Variants in ARHGAP26 observed in about 807,000 individuals in gnomAD.
The protein encoded by ARHGAP26 is rho GTPase-activating protein 26.
ARHGAP26 carries 38 observed loss-of-function variants against 104.8 expected under a neutral mutation model. The ratio of observed to expected loss-of-function variants is 0.36; its 90% CI spans 0.28 to 0.48. ARHGAP26 has a LOEUF of 0.48. Ranked by LOEUF, ARHGAP26 falls within the 20% of genes least tolerant of loss-of-function variation. The pLI is 0.99. For missense variants in ARHGAP26, 704 were observed against 947.9 expected (o/e 0.74, Z 3.38); for synonymous variants, 341 against 340.0 (o/e 1.00, Z -0.03).
intron 4 of ARHGAP26, among the ~76,000 whole-genome samples, chr5:142,882,188 A>C (rs921574042): frequency 6.6e-6 from 1 of 152,206 alleles, no homozygotes; most frequent in African/African-American, 2.4e-5. Flanking sequence ...ATTTGCATGT[A>C]GACTTGGGGA....
At position 142,963,192 on chromosome 5, in the gene ARHGAP26, A is replaced by G. The variant is rs543540395; in HGVS notation, c.1107+31067A>G. ...TATATGTATATATATATATATATATATATATATGTGTGTGTGTGTGTGTGT... is the reference window on the plus strand; with the variant it reads ...TATATGTATATATATATATATATATGTATATATGTGTGTGTGTGTGTGTGT... On this transcript the variant is annotated intron_variant, in intron 11 of 22. Transcript: ENST00000645722. Among the ~76,000 whole-genome samples the G allele has an allele frequency of 9.3e-3, 974 of 104,348 alleles. 38 individuals are homozygous for G. The highest frequency in any genetic ancestry group is 0.053 in the African/African-American group (816 of 15,426). The allele number at this position is 104,348 out of a possible 152,430, so 68.5% of individuals were successfully genotyped here. A position where few individuals can be genotyped will look rare whatever the true frequency, so the allele number is the denominator to read the frequency against.
intron 12 of ARHGAP26, among the ~76,000 whole-genome samples, chr5:143,035,093 G>T (rs1383904156): frequency 1.3e-5 from 2 of 152,166 alleles, no homozygotes; most frequent in East Asian, 3.8e-4. Flanking sequence ...TATCCTAGAG[G>T]CTGAGTGTGT....
chr5:142,926,785 C>G (rs1294800071), intron 10 of ARHGAP26, among the ~76,000 whole-genome samples: 3 of 152,154 alleles, frequency 2.0e-5, no homozygotes, highest in African/African-American at 7.2e-5. Context: ...AAACTATACA[C>G]ACCTGCCCTT....
chr5:142,807,127 T>C (rs1763132454), intron 1 of ARHGAP26, among the ~76,000 whole-genome samples: 1 of 152,216 alleles, frequency 6.6e-6, no homozygotes, highest in Admixed American at 6.5e-5. Context: ...TTAATCACAG[T>C]GAAATTAAGG....
chr5:143,098,215 A>G, intron 17 of ARHGAP26, among the ~76,000 whole-genome samples: 1 of 152,208 alleles, frequency 6.6e-6, no homozygotes, highest in East Asian at 1.9e-4. Context: ...TTCTAATGTT[A>G]GGGTTCAGAC....
chr5:143,147,035 A>C (rs909813533), intron 19 of ARHGAP26, among the ~76,000 whole-genome samples, 196 bp from the exon 20 acceptor site: 1 of 152,086 alleles, frequency 6.6e-6, no homozygotes, highest in Non-Finnish European at 1.5e-5. Flanking sequence ...TTTGCTTTAA[A>C]ATTTCGAGTC....
intron 20 of ARHGAP26, among the ~76,000 whole-genome samples, chr5:143,204,574 GGAGT>G (rs908644436): frequency 8.5e-5 from 13 of 152,266 alleles, no homozygotes; most frequent in African/African-American, 3.1e-4. Flanking sequence ...TGGGGATTGA[GGAGT>G]AAGTTATTAT....
intron 1 of ARHGAP26, among the ~76,000 whole-genome samples, chr5:142,783,622 T>A (rs1757959159): frequency 6.6e-6 from 1 of 152,202 alleles, no homozygotes; most frequent in Non-Finnish European, 1.5e-5. Flanking sequence ...CAGAGAGAGC[T>A]GATCTCCCCC....
chr5:143,115,380 A>G (rs150127199), intron 17 of ARHGAP26, among the ~76,000 whole-genome samples: 155 of 151,898 alleles, frequency 1.0e-3, no homozygotes, highest in African/African-American at 3.6e-3. Context: ...AAGACGTACT[A>G]TTATGATTTG....
intron 11 of ARHGAP26, among the ~76,000 whole-genome samples, chr5:142,943,506 C>G (rs1766674639): frequency 6.6e-6 from 1 of 152,090 alleles, no homozygotes; most frequent in African/African-American, 2.4e-5. Flanking sequence ...ATGAGGGCAC[C>G]CATCCCATTC....
chr5:143,035,935 CA>C (rs10713064), intron 12 of ARHGAP26, among the ~76,000 whole-genome samples: 28,148 of 78,548 alleles, frequency 0.36, 2,795 homozygotes, highest in South Asian at 0.56. Flanking sequence ...GACCTTGTCT[CA>C]AAAAAAAAAA....
At chr5:143,133,740 A>G (rs1274964470) in intron 18 of ARHGAP26, among the ~76,000 whole-genome samples, 1 of 152,222 alleles carries the variant, frequency 6.6e-6, no homozygotes, top group African/African-American at 2.4e-5. Context: ...GAGGTTAGAA[A>G]TGGAAGTGGG....
At chr5:142,845,283 A>T (rs1286233682) in intron 1 of ARHGAP26, among the ~76,000 whole-genome samples, 1 of 152,196 alleles carries the variant, frequency 6.6e-6, no homozygotes, top group South Asian at 2.1e-4. Context: ...GGTGGTTTGC[A>T]TTCATTATTT....
At chr5:142,775,396 A>C (rs867968532) in intron 1 of ARHGAP26, among the ~76,000 whole-genome samples, 29 of 152,146 alleles carry the variant, frequency 1.9e-4, no homozygotes, top group Non-Finnish European at 8.8e-5. Context: ...TGCCATCTGC[A>C]TATCTTCTTT....
intron 1 of ARHGAP26, among the ~76,000 whole-genome samples, chr5:142,843,523 C>T (rs1432870039): frequency 6.6e-6 from 1 of 152,230 alleles, no homozygotes; most frequent in Non-Finnish European, 1.5e-5. Flanking sequence ...GTGCTTTGCA[C>T]ATTTTGCCTC....
chr5:143,092,447 A>G (rs60996619), intron 17 of ARHGAP26, among the ~76,000 whole-genome samples: 1,823 of 152,298 alleles, frequency 0.012, 39 homozygotes, highest in African/African-American at 0.041. Context: ...TACAGGCGTG[A>G]GCCACTGCAC....
At chr5:142,964,188 AAC>A (rs1234980307) in intron 11 of ARHGAP26, among the ~76,000 whole-genome samples, 1 of 152,134 alleles carries the variant, frequency 6.6e-6, no homozygotes, top group Non-Finnish European at 1.5e-5. Context: ...TGAAGGATAT[AAC>A]AGTTATGTTG....
chr5:143,098,338 G>A (rs1169008808), intron 17 of ARHGAP26, among the ~76,000 whole-genome samples: 54 of 152,054 alleles, frequency 3.6e-4, no homozygotes, highest in Non-Finnish European at 4.4e-5. Flanking sequence ...CAATAACGTA[G>A]GTGATTTTTT....
chr5:143,129,637 A>G (rs1369229044), intron 18 of ARHGAP26, among the ~76,000 whole-genome samples: 1 of 152,206 alleles, frequency 6.6e-6, no homozygotes, highest in African/African-American at 2.4e-5. Flanking sequence ...AAGGAGTCTC[A>G]GTTTTCTCAT....
Sources: gnomAD v4.1 joint callset for allele counts (sites outside exome capture counted in the v4.1 genomes callset) on GRCh38, gnomAD v4.1.1 for gene constraint, MANE v1.5 for transcripts, NCBI Gene and HGNC (gene_info 2026-07-23, HGNC 2026-07-21) for gene names.